The following RBFOX1 variants were observed in gnomAD, a reference collection of about 807,000 sequenced individuals.
RBFOX1 encodes the protein RNA binding fox-1 homolog 1.
In RBFOX1, 8 loss-of-function variants were observed where a neutral mutation model predicts 57.7. That is an observed-to-expected ratio of 0.14 (90% confidence interval 0.08 to 0.25). The LOEUF (loss-of-function observed/expected upper bound fraction) is 0.25. Ranked by LOEUF, RBFOX1 falls within the 10% of genes least tolerant of loss-of-function variation. The probability of loss-of-function intolerance (pLI) is 1.00; values close to 1 mark genes in which losing one functional copy is unlikely to be tolerated. For synonymous variants in RBFOX1, 326 were observed against 222.4 expected, an observed-to-expected ratio of 1.47 and a Z score of -4.15; for missense variants, 611 against 548.5, an observed-to-expected ratio of 1.11 and a Z score of -1.14.
chr16:5,744,960 A>G (rs2052918228), intron 3 of RBFOX1, among the ~76,000 whole-genome samples: 1 of 151,948 alleles, frequency 6.6e-6, no homozygotes, highest in Non-Finnish European at 1.5e-5. Context: ...TTTTTTTATT[A>G]TACTTTTAGT....
Position 7,628,104 on chromosome 16 carries a change from C to T in RBFOX1, c.677-2499C>T, listed in dbSNP as rs1052168502. Among the ~76,000 whole-genome samples, 13 of 152,158 alleles carry T rather than the reference C, an allele frequency of 8.5e-5. 1 individual carries two copies. In the East Asian group the frequency reaches 1.4e-3, roughly 16 times the overall value. ...TTGCATCGAGGATATTGAAAATTGA[C>T]CCAAGGGTTTTAACCATACAATACT... is the stretch of plus-strand genomic sequence containing the variant. On this transcript the variant is annotated intron_variant, in intron 10 of 15. Coordinates refer to ENST00000550418, the MANE Select transcript of RBFOX1 (RefSeq NM_018723.4).
At chr16:6,028,639 C>T (rs977879500) in intron 1 of RBFOX1, among the ~76,000 whole-genome samples, 3 of 151,844 alleles carry the variant, frequency 2.0e-5, no homozygotes, top group African/African-American at 7.3e-5. Flanking sequence ...TGTAATTGTG[C>T]CACTGCACTC....
rs549997926 is a variant in RBFOX1 at position 7,382,741 on chromosome 16, G to A, written c.28-135406G>A. On this transcript the variant is annotated intron_variant, in intron 4 of 15. Transcript: ENST00000550418. ...TACACATCCCGCTATTTGTATGTAC[G>A]TTCCAAAGCCAGCATACATTAAATA... Among the ~76,000 whole-genome samples, 23 of 152,326 alleles carry A rather than the reference G, an allele frequency of 1.5e-4. 1 individual carries two copies. The highest frequency in any genetic ancestry group is 1.2e-3 in the South Asian group (6 of 4,824).
At chr16:6,706,985 C>G (rs1012922147) in intron 3 of RBFOX1, among the ~76,000 whole-genome samples, 36 of 152,126 alleles carry the variant, frequency 2.4e-4, no homozygotes, top group African/African-American at 6.5e-4. Context: ...TTTTTACTGA[C>G]AAATGTGGAA....
At chr16:5,829,472 G>A (rs1285995282) in intron 3 of RBFOX1, among the ~76,000 whole-genome samples, 1 of 152,186 alleles carries the variant, frequency 6.6e-6, no homozygotes, top group East Asian at 1.9e-4. Context: ...GTGGCATGAA[G>A]TGTCATTTGG....
chr16:7,151,635 A>G (rs1232868339), intron 4 of RBFOX1, among the ~76,000 whole-genome samples: 1 of 152,200 alleles, frequency 6.6e-6, no homozygotes, highest in Non-Finnish European at 1.5e-5. Context: ...AGTCCTTTAC[A>G]TTTATTGTGC....
chr16:7,081,795 G>C (rs2059242597), intron 4 of RBFOX1, among the ~76,000 whole-genome samples: 1 of 152,168 alleles, frequency 6.6e-6, no homozygotes, highest in Non-Finnish European at 1.5e-5. Context: ...CCTGCCTGGA[G>C]AATCCAATAA....
intron 2 of RBFOX1, among the ~76,000 whole-genome samples, chr16:6,635,016 G>C (rs2098420513): frequency 7.1e-6 from 1 of 141,650 alleles, no homozygotes; most frequent in African/African-American, 2.5e-5. Context: ...ACTTTATTAT[G>C]TTACACAAAT....
intron 4 of RBFOX1, among the ~76,000 whole-genome samples, chr16:7,188,022 G>A (rs1297124926): frequency 6.6e-6 from 1 of 152,220 alleles, no homozygotes; most frequent in East Asian, 1.9e-4. Context: ...TCTCTAGATA[G>A]TGAGATTATA....
chr16:5,995,573 T>A (rs1052754981), intron 4 of RBFOX1, among the ~76,000 whole-genome samples: 1 of 152,380 alleles, frequency 6.6e-6, no homozygotes, highest in East Asian at 1.9e-4. Context: ...CATCTAACTG[T>A]TGCTGTGAGG....
chr16:5,502,254 C>T (rs895662118), intron 2 of RBFOX1, among the ~76,000 whole-genome samples: 6 of 152,092 alleles, frequency 3.9e-5, no homozygotes, highest in South Asian at 4.1e-4. Context: ...TTAGGAAGAA[C>T]GGCAGGGATG....
At chr16:5,466,966 T>C (rs892352488) in intron 1 of RBFOX1, among the ~76,000 whole-genome samples, 12 of 152,230 alleles carry the variant, frequency 7.9e-5, no homozygotes, top group African/African-American at 2.9e-4. Flanking sequence ...GTTAGCTTCC[T>C]TATTTACCAT....
intron 4 of RBFOX1, among the ~76,000 whole-genome samples, chr16:7,069,640 G>A (rs2056905987): frequency 6.6e-6 from 1 of 152,140 alleles, no homozygotes; most frequent in Admixed American, 6.5e-5. Flanking sequence ...CCTGGAAAAA[G>A]CACTCAACTG....
At chr16:5,885,126 C>A (rs759377750) in intron 4 of RBFOX1, among the ~76,000 whole-genome samples, 1 of 152,204 alleles carries the variant, frequency 6.6e-6, no homozygotes, top group East Asian at 1.9e-4. Context: ...CTTAACCTTT[C>A]CTTTCTCACT....
chr16:7,357,433 C>T (rs1471248608), intron 4 of RBFOX1, among the ~76,000 whole-genome samples: 1 of 152,178 alleles, frequency 6.6e-6, no homozygotes, highest in Non-Finnish European at 1.5e-5. Flanking sequence ...GCATGAATTG[C>T]AGTGGAACCA....
chr16:6,805,745 T>G (rs1394990686), intron 3 of RBFOX1, among the ~76,000 whole-genome samples: 1 of 152,068 alleles, frequency 6.6e-6, no homozygotes, highest in African/African-American at 2.4e-5. Context: ...TTCTTCAAGG[T>G]TTTTCCCTCC....
At chr16:5,496,204 C>T (rs1259084154) in intron 2 of RBFOX1, among the ~76,000 whole-genome samples, 1 of 152,202 alleles carries the variant, frequency 6.6e-6, no homozygotes, top group Non-Finnish European at 1.5e-5. Context: ...CTCTCGAGTG[C>T]ACCTCCAATC....
intron 3 of RBFOX1, among the ~76,000 whole-genome samples, chr16:6,850,692 A>C (rs376046265): frequency 6.6e-6 from 1 of 152,204 alleles, no homozygotes; most frequent in East Asian, 1.9e-4. Context: ...ATAGCTATGC[A>C]GAAAAAAAAT....
At chr16:6,693,056 A>T (rs574426822) in intron 3 of RBFOX1, among the ~76,000 whole-genome samples, 2 of 151,570 alleles carry the variant, frequency 1.3e-5, no homozygotes, top group South Asian at 4.2e-4. Flanking sequence ...CACCACCATC[A>T]TTATCACCAT....
Sources: gnomAD v4.1 joint callset for allele counts (sites outside exome capture counted in the v4.1 genomes callset) on GRCh38, gnomAD v4.1.1 for gene constraint, MANE v1.5 for transcripts, NCBI Gene and HGNC (gene_info 2026-07-23, HGNC 2026-07-21) for gene names.